The following HECW2 variants were observed in gnomAD, a reference collection of about 807,000 sequenced individuals.
The protein encoded by HECW2 is E3 ubiquitin-protein ligase HECW2.
Under a neutral mutation model 175.2 loss-of-function variants are expected in HECW2, and 61 were observed. The observed-to-expected ratio is 0.35, with a 90% confidence interval of 0.28 to 0.43. HECW2 has a LOEUF of 0.43. Ranked by LOEUF, HECW2 falls within the 20% of genes least tolerant of loss-of-function variation. The probability of loss-of-function intolerance (pLI) is 1.00; values close to 1 mark genes in which losing one functional copy is unlikely to be tolerated. For synonymous variants in HECW2, 671 were observed against 731.0 expected (o/e 0.92, Z 1.32); for missense variants, 1,524 against 2,000.5 (o/e 0.76, Z 4.54).
At chr2:196,462,983 A>G (rs1244021349) in intron 1 of HECW2, among the ~76,000 whole-genome samples, 1 of 152,202 alleles carries the variant, frequency 6.6e-6, no homozygotes, top group Non-Finnish European at 1.5e-5. Flanking sequence ...AAGAAACTGC[A>G]AACTCCCCCA....
At chr2:196,470,506 T>C (rs1697152037) in intron 1 of HECW2, among the ~76,000 whole-genome samples, 1 of 152,218 alleles carries the variant, frequency 6.6e-6, no homozygotes, top group Non-Finnish European at 1.5e-5. Context: ...CTTGCTTTCA[T>C]ATTGAAGTTG....
intron 1 of HECW2, among the ~76,000 whole-genome samples, chr2:196,507,377 GT>G (rs1687804951): frequency 6.6e-6 from 1 of 152,122 alleles, no homozygotes. Flanking sequence ...GAACTCATAT[GT>G]TTAGAGCAGT....
chr2:196,307,307 G>T, intron 11 of HECW2, 74 bp from the exon 12 acceptor site: 2 of 1,007,742 alleles, frequency 2.0e-6, no homozygotes, highest in Non-Finnish European at 3.1e-6. Context: ...CAAGAGTCTA[G>T]AACTTTTCAC....
At chr2:196,293,021 A>G (rs1690662715) in intron 13 of HECW2, among the ~76,000 whole-genome samples, 1 of 152,200 alleles carries the variant, frequency 6.6e-6, no homozygotes, top group Admixed American at 6.5e-5. Flanking sequence ...GTTCTGGGGT[A>G]CATGTGCAAG....
intron 23 of HECW2, among the ~76,000 whole-genome samples, chr2:196,224,450 G>A (rs544874321): frequency 6.6e-6 from 1 of 152,156 alleles, no homozygotes; most frequent in Admixed American, 6.5e-5. Context: ...AGAAAACGAG[G>A]GGCCTGGTGA....
chr2:196,442,586 G>C (rs904795303), intron 1 of HECW2, among the ~76,000 whole-genome samples: 2 of 152,136 alleles, frequency 1.3e-5, no homozygotes, highest in Non-Finnish European at 2.9e-5. Context: ...TTACATTATA[G>C]CATATCTACC....
At chr2:196,471,671 T>C (rs548240009) in intron 1 of HECW2, among the ~76,000 whole-genome samples, 1 of 152,188 alleles carries the variant, frequency 6.6e-6, no homozygotes, top group African/African-American at 2.4e-5. Context: ...TGCAGCAACA[T>C]TGATGGACCT....
chr2:196,261,682 G>A (rs937606483), intron 17 of HECW2, among the ~76,000 whole-genome samples: 2 of 152,102 alleles, frequency 1.3e-5, no homozygotes, highest in African/African-American at 4.8e-5. Context: ...CATATTAATA[G>A]CATTAATTCA....
chr2:196,287,763 C>T (rs16849039), intron 14 of HECW2, among the ~76,000 whole-genome samples: 6,466 of 152,228 alleles, frequency 0.042, 435 homozygotes, highest in African/African-American at 0.15. Flanking sequence ...GAAATACCCA[C>T]CTGGTGCTTT....
At chr2:196,228,720 G>T (rs923111616) in intron 21 of HECW2, among the ~76,000 whole-genome samples, 2 of 152,144 alleles carry the variant, frequency 1.3e-5, no homozygotes, top group Non-Finnish European at 2.9e-5. Flanking sequence ...TTTTTAAATG[G>T]GAGAAGAAAG....
chr2:196,348,180 T>A (rs757768445), intron 2 of HECW2, among the ~76,000 whole-genome samples: 4 of 152,250 alleles, frequency 2.6e-5, no homozygotes, highest in Non-Finnish European at 5.9e-5. Flanking sequence ...AGCCTGAGAA[T>A]CATTTTAGAG....
chr2:196,550,710 C>T (rs1392844279), intron 1 of HECW2, among the ~76,000 whole-genome samples: 1 of 152,086 alleles, frequency 6.6e-6, no homozygotes, highest in Non-Finnish European at 1.5e-5. Context: ...CAGAGACCAC[C>T]TTGTGGCAAT....
rs1401804316 is a variant in HECW2 at position 196,197,273 on chromosome 2, T to C, written c.*4004A>G. 1 of 151,590 alleles carries C rather than the reference T, an allele frequency of 6.6e-6. No homozygotes were observed. The highest frequency in any genetic ancestry group is 1.5e-5 in the Non-Finnish European group (1 of 67,954). The allele number at this position is 151,590 out of a possible 1,614,324, so 9.4% of individuals were successfully genotyped here. A position where few individuals can be genotyped will look rare whatever the true frequency, so the allele number is the denominator to read the frequency against. Reference sequence around the variant, plus strand: ...ACAGACTCCTATCTTCATTATAAGATATTTGCCTTGTTAGAAGTGGTCCAA... The same window carrying C: ...ACAGACTCCTATCTTCATTATAAGACATTTGCCTTGTTAGAAGTGGTCCAA... On this transcript the variant is annotated 3_prime_UTR_variant, in exon 29 of 29. Transcript: ENST00000644978.
chr2:196,330,828 G>C (rs960536832), intron 4 of HECW2, among the ~76,000 whole-genome samples: 1 of 152,100 alleles, frequency 6.6e-6, no homozygotes, highest in Non-Finnish European at 1.5e-5. Context: ...TTCCCTTGTT[G>C]TATCTGGAAT....
intron 2 of HECW2, among the ~76,000 whole-genome samples, chr2:196,417,193 T>C (rs1371541310): frequency 6.6e-6 from 1 of 152,240 alleles, no homozygotes; most frequent in Non-Finnish European, 1.5e-5. Flanking sequence ...AAAATACACT[T>C]CAACAGATAA....
chr2:196,423,115 T>C (rs183444727), intron 2 of HECW2, among the ~76,000 whole-genome samples: 24 of 152,262 alleles, frequency 1.6e-4, no homozygotes, highest in Admixed American at 1.4e-3. Context: ...GGGAATTCAT[T>C]CAGTGGGTAA....
chr2:196,574,649 A>G (rs1690499314), intron 1 of HECW2, among the ~76,000 whole-genome samples: 1 of 152,178 alleles, frequency 6.6e-6, no homozygotes, highest in African/African-American at 2.4e-5. Context: ...CAAAATTCCA[A>G]TGGCATCCTT....
chr2:196,395,429 C>T (rs965542431), intron 2 of HECW2, among the ~76,000 whole-genome samples: 25 of 152,048 alleles, frequency 1.6e-4, no homozygotes, highest in African/African-American at 6.0e-4. Flanking sequence ...AAGCAATATA[C>T]AGAATAGGAG....
At chr2:196,377,584 C>G (rs1278257492) in intron 2 of HECW2, among the ~76,000 whole-genome samples, 2 of 152,176 alleles carry the variant, frequency 1.3e-5, no homozygotes, top group Non-Finnish European at 2.9e-5. Context: ...AGACCCACCT[C>G]CACGATTCAC....
Sources: allele counts gnomAD v4.1 joint callset (sites outside exome capture counted in the v4.1 genomes callset), GRCh38; gene constraint gnomAD v4.1.1; transcripts MANE v1.5; gene names NCBI Gene and HGNC (gene_info 2026-07-23, HGNC 2026-07-21).